Variants in PIP4K2A observed in about 807,000 individuals in gnomAD.
PIP4K2A encodes the protein phosphatidylinositol-5-phosphate 4-kinase type 2 alpha.
A neutral mutation model predicts 42.9 loss-of-function variants in PIP4K2A; 14 were observed. The observed-to-expected ratio is 0.33, with a 90% CI of 0.22 to 0.51. PIP4K2A has a LOEUF of 0.51. Among genes scored for constraint, PIP4K2A ranks in the 20% least tolerant of loss-of-function variants. PIP4K2A has a pLI of 0.97. For synonymous variants in PIP4K2A, 192 were observed against 192.2 expected (o/e 1.00, Z 0.01); for missense variants, 434 against 519.8 (o/e 0.83, Z 1.61).
chr10:22,644,729 A>G (rs1157822923), intron 1 of PIP4K2A, among the ~76,000 whole-genome samples: 1 of 152,256 alleles, frequency 6.6e-6, no homozygotes, highest in Non-Finnish European at 1.5e-5. Flanking sequence ...GTAAGACAGG[A>G]CAGTAGGGAT....
At chr10:22,681,557 C>T (rs1251463152) in intron 1 of PIP4K2A, among the ~76,000 whole-genome samples, 1 of 152,106 alleles carries the variant, frequency 6.6e-6, no homozygotes, top group East Asian at 1.9e-4. Context: ...CACCTGTGGT[C>T]CCACATACTC....
chr10:22,600,461 TG>T (rs1837736037), intron 3 of PIP4K2A, among the ~76,000 whole-genome samples: 1 of 152,076 alleles, frequency 6.6e-6, no homozygotes, highest in African/African-American at 2.4e-5. Flanking sequence ...ATGTTATGGA[TG>T]AGGAAACTGA....
intron 3 of PIP4K2A, among the ~76,000 whole-genome samples, chr10:22,606,429 A>T (rs2130698083): frequency 6.6e-6 from 1 of 152,334 alleles, no homozygotes; most frequent in Admixed American, 6.5e-5. Flanking sequence ...GTGTACACAG[A>T]GCCTCAGCTC....
intron 1 of PIP4K2A, among the ~76,000 whole-genome samples, chr10:22,621,208 T>C (rs908813555): frequency 8.5e-5 from 13 of 152,084 alleles, no homozygotes; most frequent in African/African-American, 3.1e-4. Flanking sequence ...TAATCCAACA[T>C]CCTTTCCAGA....
At position 22,711,246 on chromosome 10, in the gene PIP4K2A, A is replaced by T. The variant is rs185139977; in HGVS notation, c.144+2937T>A. Among the ~76,000 whole-genome samples, 539 of 152,358 alleles carry T rather than the reference A, an allele frequency of 3.5e-3. 4 individuals are homozygous for T. Among genetic ancestry groups the T allele is most frequent in the Non-Finnish European group, 3.5e-3 (236 of 68,030 alleles). On this transcript the variant is annotated intron_variant, in intron 1 of 9. Coordinates refer to ENST00000376573, the MANE Select transcript of PIP4K2A (RefSeq NM_005028.5). ...TTCATTACCACCTCAATGGACTTGA[A>T]CATTTTCACCTTAATTGCAAGTTGT... is the stretch of plus-strand genomic sequence containing the variant.
At position 22,535,836 on chromosome 10, in the gene PIP4K2A, C is replaced by G. The variant is rs12265213; in HGVS notation, c.*1365G>C. 6.3e-6 allele frequency: 2 copies of G among 317,876 alleles called. No homozygotes were observed. The highest frequency in any genetic ancestry group is 1.1e-5 in the Non-Finnish European group (2 of 175,712). 19.7% of individuals were successfully genotyped at this position (317,876 alleles called of 1,614,324 possible). A position where few individuals can be genotyped will look rare whatever the true frequency, so the allele number is the denominator to read the frequency against. On this transcript the variant is annotated 3_prime_UTR_variant, in exon 10 of 10. Transcript: ENST00000376573. ...TGAACTTTCATAAACCAGACTGGGG[C>G]GAAATCTCTTTTTAAAAAAATCAAT...
At chr10:22,620,588 A>G (rs756413061) in intron 1 of PIP4K2A, among the ~76,000 whole-genome samples, 19 of 152,240 alleles carry the variant, frequency 1.2e-4, no homozygotes, top group Non-Finnish European at 2.4e-4. Flanking sequence ...TTAATCACCA[A>G]TCTTTTCAGA....
At chr10:22,546,017 AATGGGAAAAACCAAATAT>A (rs1836251273) in intron 7 of PIP4K2A, among the ~76,000 whole-genome samples, 1 of 152,186 alleles carries the variant, frequency 6.6e-6, no homozygotes, top group Non-Finnish European at 1.5e-5. Context: ...CTGAGGTAGA[AATGGGAAAAACCAAATAT>A]GGCACAGTGG....
intron 7 of PIP4K2A, among the ~76,000 whole-genome samples, chr10:22,547,742 A>T (rs145029532): frequency 8.4e-4 from 128 of 152,354 alleles, no homozygotes; most frequent in African/African-American, 3.0e-3. Flanking sequence ...GGCCGTGATC[A>T]GAATTGACAA....
At chr10:22,579,129 G>A (rs1026346254) in intron 4 of PIP4K2A, among the ~76,000 whole-genome samples, 10 of 152,052 alleles carry the variant, frequency 6.6e-5, no homozygotes, top group African/African-American at 2.4e-4. Context: ...ACAAAATAAC[G>A]GTTTAAGGAT....
chr10:22,561,809 G>T (rs1208397508), intron 6 of PIP4K2A, among the ~76,000 whole-genome samples: 3 of 151,978 alleles, frequency 2.0e-5, no homozygotes, highest in Admixed American at 6.6e-5. Flanking sequence ...AGGCTATCCT[G>T]TAGCCTCAGC....
chr10:22,623,172 TAA>T (rs569524054), intron 1 of PIP4K2A, among the ~76,000 whole-genome samples: 221 of 150,072 alleles, frequency 1.5e-3, no homozygotes, highest in African/African-American at 5.2e-3. Context: ...ACTTTTTTTT[TAA>T]AAAAAAAGGT....
Position 22,541,876 on chromosome 10 carries a change from T to C in PIP4K2A, c.964A>G (p.Asn322Asp). 6.2e-7 allele frequency: 1 copy of C among 1,612,286 alleles called. No individual in the cohort carries two copies. The highest frequency in any genetic ancestry group is 8.5e-7 in the Non-Finnish European group (1 of 1,179,028). Reference protein sequence around the residue: ...TPPDSPGNTLNSSPPLAPGEF... With the variant: ...TPPDSPGNTLDSSPPLAPGEF... The stretch of plus-strand genomic sequence containing the variant: ...CCGGGAGCCAGGGGTGGTGAGCTGT[T>C]CAGTGTATTCCCGGGGCTATCTGGG... Residue 322 changes from asparagine (N) to aspartate (D), a missense_variant, in exon 8 of 10, where the codon AAC becomes GAC. Physicochemically the swap from Asn to Asp is conservative, Grantham distance 23 (BLOSUM62 1). Coordinates refer to ENST00000376573, the MANE Select transcript of PIP4K2A (RefSeq NM_005028.5).
chr10:22,695,750 A>T (rs901073685), intron 1 of PIP4K2A, among the ~76,000 whole-genome samples: 1 of 152,160 alleles, frequency 6.6e-6, no homozygotes, highest in East Asian at 1.9e-4. Flanking sequence ...TATACTCTAT[A>T]TCATCTCTAG....
intron 1 of PIP4K2A, among the ~76,000 whole-genome samples, chr10:22,664,154 C>CGTAT (rs372316543): frequency 6.4e-5 from 4 of 62,312 alleles, no homozygotes; most frequent in Admixed American, 2.1e-4. Flanking sequence ...TATATATACA[C>CGTAT]ATATATATAT....
chr10:22,603,635 A>C (rs1403081076), intron 3 of PIP4K2A, among the ~76,000 whole-genome samples: 1 of 152,200 alleles, frequency 6.6e-6, no homozygotes, highest in African/African-American at 2.4e-5. Flanking sequence ...TTCTCTCTGC[A>C]TTCCCTAAAA....
intron 1 of PIP4K2A, among the ~76,000 whole-genome samples, chr10:22,680,468 C>T (rs944144742): frequency 2.0e-5 from 3 of 152,134 alleles, no homozygotes; most frequent in South Asian, 2.1e-4. Context: ...ATGAGCCACA[C>T]GTACCAGGAA....
Position 22,589,381 on chromosome 10 carries a change from C to T in PIP4K2A, c.492+2248G>A, listed in dbSNP as rs553023199. The stretch of plus-strand genomic sequence containing the variant: ...TGTCTTCCCCCTCACAGGTAGCATC[C>T]TGGCACTTTAAAATTTCCTGTAGAA... On this transcript the variant is annotated intron_variant, in intron 4 of 9. Transcript: ENST00000376573. Among the ~76,000 whole-genome samples the T allele has an allele frequency of 1.1e-3, 170 of 152,304 alleles. 2 individuals carry two copies. Among genetic ancestry groups the T allele is most frequent in the African/African-American group, 3.9e-3 (162 of 41,566 alleles).
intron 3 of PIP4K2A, among the ~76,000 whole-genome samples, chr10:22,605,508 A>G (rs758851834): frequency 7.9e-5 from 12 of 152,364 alleles, no homozygotes; most frequent in Non-Finnish European, 1.5e-4. Flanking sequence ...TAAATTGGTC[A>G]TTTGAGGAAA....
Sources: allele counts gnomAD v4.1 joint callset (sites outside exome capture counted in the v4.1 genomes callset), GRCh38; gene constraint gnomAD v4.1.1; transcripts MANE v1.5; gene names NCBI Gene and HGNC (gene_info 2026-07-23, HGNC 2026-07-21).